The following USP14 variants were observed in gnomAD, a reference collection of about 807,000 sequenced individuals.
USP14 encodes ubiquitin carboxyl-terminal hydrolase 14.
Under a neutral mutation model 76.5 loss-of-function variants are expected in USP14, and 38 were observed. That is an observed-to-expected ratio of 0.50 (90% CI 0.38 to 0.65). USP14 has a LOEUF of 0.65. Ranked by LOEUF, USP14 falls within the 30% of genes least tolerant of loss-of-function variation. The pLI, the probability that USP14 is intolerant of heterozygous loss-of-function variation, is 0.00. For missense variants in USP14, 467 were observed against 586.5 expected, an observed-to-expected ratio of 0.80 and a Z score of 2.10; for synonymous variants, 192 against 191.7, an observed-to-expected ratio of 1.00 and a Z score of -0.01.
At chr18:199,941 A>T (rs980273490) in intron 10 of USP14, among the ~76,000 whole-genome samples, 5 of 152,228 alleles carry the variant, frequency 3.3e-5, no homozygotes, top group African/African-American at 1.2e-4. Flanking sequence ...TAACAAAATC[A>T]ACTGTATAGT....
chr18:168,484 G>C (rs1039631891), intron 3 of USP14, among the ~76,000 whole-genome samples: 2 of 152,080 alleles, frequency 1.3e-5, no homozygotes, highest in Admixed American at 6.5e-5. Flanking sequence ...GCCCAGGCTG[G>C]AGTGTGGTGG....
At chr18:160,287 A>G (rs1486500486) in intron 1 of USP14, among the ~76,000 whole-genome samples, 1 of 152,178 alleles carries the variant, frequency 6.6e-6, no homozygotes, top group East Asian at 1.9e-4. Flanking sequence ...CTGGGTGAAA[A>G]AAGCGAAACT....
At chr18:196,907 G>A (rs745412753) in intron 7 of USP14, 140 bp downstream of exon 7, 51 of 1,068,566 alleles carry the variant, frequency 4.8e-5, no homozygotes, top group Non-Finnish European at 5.6e-5. Context: ...GCCTGGAGCC[G>A]CACAGTAGTC....
rs1910246427 is a variant in USP14, at chr18:196,686, A to G, written c.513A>G (p.Pro171=). The G allele has an allele frequency of 1.9e-6, 3 of 1,613,994 alleles. No individual in the cohort carries two copies. The highest frequency in any genetic ancestry group is 2.5e-6 in the Non-Finnish European group (3 of 1,179,970). The part of the protein sequence containing the change: ...DSMDKTSSSI[P]PIILLQFLHM... ...TGGATAAAACTTCTTCCAGTATTCC[A>G]CCTATTATTCTACTGCAGTTTTTGC... is the stretch of plus-strand genomic sequence containing the variant. The change falls in exon 7 of 16, where the codon CCA becomes CCG. Residue 171 remains proline (P), a synonymous_variant. Coordinates refer to ENST00000261601, the MANE Select transcript of USP14 (RefSeq NM_005151.4).
chr18:180,875 C>T (rs1209139109), intron 5 of USP14, among the ~76,000 whole-genome samples: 2 of 146,480 alleles, frequency 1.4e-5, no homozygotes, highest in Non-Finnish European at 3.1e-5. Flanking sequence ...TTACAGCACA[C>T]GTAACACCTC....
chr18:178,555 A>G (rs531904351), intron 3 of USP14, among the ~76,000 whole-genome samples: 1 of 152,236 alleles, frequency 6.6e-6, no homozygotes. Flanking sequence ...CACTACCACA[A>G]TCACGATTTA....
intron 3 of USP14, 150 bp downstream of exon 3, chr18:166,969 G>T: frequency 1.5e-6 from 1 of 665,358 alleles, no homozygotes; most frequent in Non-Finnish European, 2.4e-6. Context: ...ACTTGTGTTG[G>T]GCTCTTTCTT....
intron 5 of USP14, among the ~76,000 whole-genome samples, chr18:190,090 G>A (rs946947780): frequency 6.6e-6 from 1 of 152,130 alleles, no homozygotes; most frequent in South Asian, 2.1e-4. Flanking sequence ...ATGATGTTTA[G>A]TGTATCCATG....
chr18:200,671 G>A lies in USP14; in HGVS notation c.876+1355G>A, dbSNP rs556164630. Among the ~76,000 whole-genome samples, 113 of 152,190 alleles carry A rather than the reference G, an allele frequency of 7.4e-4. 1 individual carries two copies. Among genetic ancestry groups the A allele is most frequent in the African/African-American group, 2.5e-3 (104 of 41,512 alleles). On this transcript the variant is annotated intron_variant, in intron 10 of 15. Coordinates refer to ENST00000261601, the MANE Select transcript of USP14 (RefSeq NM_005151.4). ...TGACTTACTAATTTGGTGTGCTTTG[G>A]GGATATGTATATCTCTCGAAGGATC...
chr18:192,866 A>G lies in USP14; in HGVS notation c.429A>G (p.Ser143=). Residue 143 remains serine, a synonymous_variant, in exon 6 of 16, where the codon TCA becomes TCG. Coordinates refer to ENST00000261601, the MANE Select transcript of USP14 (RefSeq NM_005151.4). ...LKRYAGALRA[S]GEMASAQYIT... Reference sequence around the variant, plus strand: ...GGTATGCAGGTGCCTTGAGAGCTTCAGGGGAAATGGCTTCAGCGCAGTATA... The same window carrying G: ...GGTATGCAGGTGCCTTGAGAGCTTCGGGGGAAATGGCTTCAGCGCAGTATA... The G allele has an allele frequency of 6.2e-7, 1 of 1,613,932 alleles. No individual in the cohort carries two copies. Among genetic ancestry groups the G allele is most frequent in the Non-Finnish European group, 8.5e-7 (1 of 1,179,894 alleles).
intron 1 of USP14, among the ~76,000 whole-genome samples, chr18:159,496 T>G (rs1383433246): frequency 1.3e-5 from 2 of 152,316 alleles, no homozygotes; most frequent in East Asian, 3.9e-4. Flanking sequence ...CTAAAATATG[T>G]GTGGTGTCTC....
rs1192270303 is a variant in USP14, at chr18:213,407, TTTTTTCAAGTA to T, written c.*2124_*2134del. ...TCTAAAAAAGCATTATTCCAAAGAA[TTTTTTCAAGTA>T]GAAATGGGAGTTAGTTATACCAGTG... On this transcript the variant is annotated 3_prime_UTR_variant, in exon 16 of 16. Transcript: ENST00000261601. The T allele has an allele frequency of 6.6e-6, 1 of 152,274 alleles. No individual in the cohort carries two copies. Among genetic ancestry groups the T allele is most frequent in the Non-Finnish European group, 1.5e-5 (1 of 68,020 alleles). The allele number at this position is 152,274 out of a possible 1,614,324, so 9.4% of individuals were successfully genotyped here.
chr18:180,126 A>C (rs917244122), intron 4 of USP14, 110 bp from the exon 5 acceptor site: 1 of 536,890 alleles, frequency 1.9e-6, no homozygotes, highest in Admixed American at 4.0e-5. Flanking sequence ...GGTAGAAGCT[A>C]GTAAATGGTA....
At position 207,032 on chromosome 18, in the gene USP14, GA is replaced by G. The variant is rs1183605133; in HGVS notation, c.1164+2342del. Among the ~76,000 whole-genome samples, 2 of 114,592 alleles carry G rather than the reference GA, an allele frequency of 1.7e-5. 1 individual carries two copies. The highest frequency in any genetic ancestry group is 4.4e-5 in the Non-Finnish European group (2 of 45,748). 75.2% of individuals were successfully genotyped at this position (114,592 alleles called of 152,430 possible). A position where few individuals can be genotyped will look rare whatever the true frequency, so the allele number is the denominator to read the frequency against. ...GGTTCAGATTCATTGTTTTGCATGT[GA>G]ATATCTGGTTGTCTCAGCACCATTT... On this transcript the variant is annotated intron_variant, in intron 13 of 15. Coordinates refer to ENST00000261601, the MANE Select transcript of USP14 (RefSeq NM_005151.4).
intron 3 of USP14, among the ~76,000 whole-genome samples, chr18:168,222 G>A (rs1018525273): frequency 5.9e-5 from 9 of 151,846 alleles, no homozygotes; most frequent in South Asian, 2.1e-4. Context: ...CACCGCACCC[G>A]GCCAAAATAC....
In USP14 at chr18:214,298, T is replaced by TAACA. The variant is rs574059049; in HGVS notation, c.*3020_*3023dup. 71 of 205,564 alleles carry TAACA rather than the reference T, an allele frequency of 3.5e-4. No individual in the cohort carries two copies. In the Middle Eastern group the frequency reaches 6.5e-3, roughly 19 times the overall value. The allele number at this position is 205,564 out of a possible 1,614,324, so 12.7% of individuals were successfully genotyped here. On this transcript the variant is annotated 3_prime_UTR_variant, in exon 16 of 16. Transcript: ENST00000261601. ...TTCAGGATAAATTTTGTAAAACTAC[T>TAACA]AACAAACAACACACAGGAAACTAAT...
chr18:180,167 A>T (rs1488248155), intron 4 of USP14, 69 bp from the exon 5 acceptor site: 2 of 790,020 alleles, frequency 2.5e-6, no homozygotes, highest in East Asian at 5.8e-5. Flanking sequence ...TTAGTGATTT[A>T]TATATGCCAT....
In USP14 at chr18:199,967, CTT is replaced by C. The variant is rs1472031746; in HGVS notation, c.876+652_876+653del. On this transcript the variant is annotated intron_variant, in intron 10 of 15. Transcript: ENST00000261601. The stretch of plus-strand genomic sequence containing the variant: ...ACTGTATAGTCAGAAATCAAACAAA[CTT>C]CAACTAGCTCTTCATTTCATAGACA... 2.0e-5 allele frequency among the ~76,000 whole-genome samples: 3 copies of C among 152,314 alleles called. No homozygotes were observed. The East Asian group carries it at 5.8e-4, about 29-fold the overall frequency.
At chr18:164,130 T>C (rs34411694) in intron 2 of USP14, among the ~76,000 whole-genome samples, 6,113 of 152,330 alleles carry the variant, frequency 0.04, 146 homozygotes, top group Middle Eastern at 0.075. Context: ...TTTACAGTTA[T>C]CTGTATTGTG....
Sources: gnomAD v4.1 joint callset for allele counts (sites outside exome capture counted in the v4.1 genomes callset) on GRCh38, gnomAD v4.1.1 for gene constraint, MANE v1.5 for transcripts, NCBI Gene and HGNC (gene_info 2026-07-23, HGNC 2026-07-21) for gene names.